The following TBC1D8 variants were observed in gnomAD, a reference collection of about 807,000 sequenced individuals.
TBC1D8 encodes TBC1 domain family member 8, also known as BUB2-like protein 1.
TBC1D8 carries 65 observed loss-of-function variants against 118.8 expected under a neutral mutation model. That is an observed-to-expected ratio of 0.55 (90% CI 0.45 to 0.67). The LOEUF (loss-of-function observed/expected upper bound fraction) is 0.67. Ranked by LOEUF, TBC1D8 falls within the 30% of genes least tolerant of loss-of-function variation. The pLI, the probability that TBC1D8 is intolerant of heterozygous loss-of-function variation, is 0.00. For synonymous variants in TBC1D8, 566 were observed against 595.8 expected, an observed-to-expected ratio of 0.95 and a Z score of 0.73; for missense variants, 1,376 against 1,471.2, an observed-to-expected ratio of 0.94 and a Z score of 1.06.
chr2:101,106,631 C>T (rs1036700449), intron 1 of TBC1D8, among the ~76,000 whole-genome samples: 11 of 152,218 alleles, frequency 7.2e-5, no homozygotes, highest in African/African-American at 2.7e-4. Context: ...AATGGTTCCA[C>T]TTAACGGTTT....
chr2:101,029,394 TAAAAA>T (rs74845104), intron 12 of TBC1D8, 92 bp downstream of exon 12: 1 of 1,192,698 alleles, frequency 8.4e-7, no homozygotes, highest in Non-Finnish European at 1.1e-6. Flanking sequence ...TCTGTCTCAA[TAAAAA>T]AAAAAAAAAA....
chr2:101,084,588 C>A (rs1167860999), intron 2 of TBC1D8, among the ~76,000 whole-genome samples: 1 of 152,094 alleles, frequency 6.6e-6, no homozygotes, highest in Non-Finnish European at 1.5e-5. Context: ...TGCAGCCGTT[C>A]CTCAGGATGT....
intron 1 of TBC1D8, among the ~76,000 whole-genome samples, chr2:101,140,021 G>A (rs1285368774): frequency 6.6e-6 from 1 of 152,140 alleles, no homozygotes; most frequent in East Asian, 1.9e-4. Context: ...TTATCTACAA[G>A]TAATTTCATT....
At chr2:101,143,428 C>T (rs1478885870) in intron 1 of TBC1D8, among the ~76,000 whole-genome samples, 1 of 152,110 alleles carries the variant, frequency 6.6e-6, no homozygotes. Flanking sequence ...GAATGAAAGA[C>T]TCACCAAATG....
At chr2:101,104,446 C>T (rs974640369) in intron 1 of TBC1D8, among the ~76,000 whole-genome samples, 1 of 152,166 alleles carries the variant, frequency 6.6e-6, no homozygotes, top group African/African-American at 2.4e-5. Context: ...ACTCACACTA[C>T]GCAATTTCAA....
chr2:101,007,837 T>G lies in TBC1D8; in HGVS notation c.3452A>C (p.Lys1151Thr). The change falls in exon 20 of 20, where the codon AAG becomes ACG. Residue 1151 changes from lysine to threonine, a missense_variant. Physicochemically the swap from Lys to Thr is moderately conservative, Grantham distance 78. Transcript: ENST00000409318. ...GCTGTCTTGCTACAAGTTACTCAGCTTAAGTTCAGATTGTGATTGGTGGCT... is the reference window on the plus strand; with the variant it reads ...GCTGTCTTGCTACAAGTTACTCAGCGTAAGTTCAGATTGTGATTGGTGGCT... ...EMSHQSQSEL[K>T]LSNL 6.2e-7 allele frequency: 1 copy of G among 1,613,780 alleles called. No homozygotes were observed. The highest frequency in any genetic ancestry group is 1.3e-5 in the African/African-American group (1 of 74,912).
At chr2:101,018,645 CAT>C (rs2105372277) in intron 17 of TBC1D8, among the ~76,000 whole-genome samples, 1 of 152,324 alleles carries the variant, frequency 6.6e-6, no homozygotes, top group South Asian at 2.1e-4. Context: ...AATAAAATAG[CAT>C]ATTCCCTGAA....
chr2:101,041,506 T>C (rs560977928), intron 5 of TBC1D8, among the ~76,000 whole-genome samples: 1 of 151,766 alleles, frequency 6.6e-6, no homozygotes, highest in Non-Finnish European at 1.5e-5. Context: ...AGACAGAAAA[T>C]AGATTACTGA....
chr2:101,033,444 A>G, intron 10 of TBC1D8, 100 bp downstream of exon 10: 1 of 1,435,132 alleles, frequency 7.0e-7, no homozygotes. Flanking sequence ...ACACGACAAC[A>G]CTCAGGACCA....
chr2:101,119,525 T>C (rs1270748468), intron 1 of TBC1D8, among the ~76,000 whole-genome samples: 1 of 152,202 alleles, frequency 6.6e-6, no homozygotes, highest in Non-Finnish European at 1.5e-5. Flanking sequence ...GATTTCCTTC[T>C]AGAGCAGGGG....
At chr2:101,087,537 G>C (rs984037429) in intron 2 of TBC1D8, among the ~76,000 whole-genome samples, 9 of 151,876 alleles carry the variant, frequency 5.9e-5, no homozygotes, top group Admixed American at 5.9e-4. Context: ...CAGCTACTTG[G>C]GAGGCTGAGG....
chr2:101,071,032 T>C (rs1381944006), intron 2 of TBC1D8, among the ~76,000 whole-genome samples: 2 of 152,164 alleles, frequency 1.3e-5, no homozygotes, highest in Admixed American at 6.5e-5. Context: ...CAGTCAATAA[T>C]AGGCAATTTA....
intron 2 of TBC1D8, among the ~76,000 whole-genome samples, chr2:101,074,529 A>C (rs1189055537): frequency 1.3e-5 from 2 of 152,222 alleles, no homozygotes; most frequent in African/African-American, 4.8e-5. Context: ...GTATCTTCAA[A>C]GTACAATAAC....
At chr2:101,049,557 G>A (rs1296608845) in intron 5 of TBC1D8, among the ~76,000 whole-genome samples, 4 of 151,806 alleles carry the variant, frequency 2.6e-5, no homozygotes, top group African/African-American at 4.8e-5. Flanking sequence ...TTGAAACCCC[G>A]TCTCTACTAA....
intron 15 of TBC1D8, chr2:101,023,986 A>G (rs1171897786): frequency 2.0e-5 from 3 of 152,694 alleles, no homozygotes; most frequent in Non-Finnish European, 2.9e-5. Context: ...AACCACAAGA[A>G]CTTTTAAGTG....
At chr2:101,111,785 G>T (rs1259195696) in intron 1 of TBC1D8, among the ~76,000 whole-genome samples, 1 of 152,294 alleles carries the variant, frequency 6.6e-6, no homozygotes, top group East Asian at 1.9e-4. Context: ...ATTCAGTTTT[G>T]CAGGATGAAA....
intron 1 of TBC1D8, among the ~76,000 whole-genome samples, chr2:101,112,958 G>C (rs1301778126): frequency 6.6e-6 from 1 of 152,030 alleles, no homozygotes; most frequent in Non-Finnish European, 1.5e-5. Flanking sequence ...ATCTGCCTTG[G>C]GTCAAGTACT....
chr2:101,028,316 C>T lies in TBC1D8; in HGVS notation c.2339G>A (p.Arg780Gln), dbSNP rs367578819. The T allele has an allele frequency of 8.7e-6, 14 of 1,612,304 alleles. No individual in the cohort carries two copies. Among genetic ancestry groups the T allele is most frequent in the East Asian group, 2.2e-5 (1 of 44,846 alleles). ...YPVTDISDLI[R>Q]DSYEKFGDQS... ...GGTTCCCGTTACCTCATAGGAATCC[C>T]GGATCAGGTCCGAAATATCAGTCAC... The change falls in exon 13 of 20, where the codon CGG becomes CAG. Residue 780 changes from arginine to glutamine, a missense_variant. Coordinates refer to ENST00000409318, the MANE Select transcript of TBC1D8 (RefSeq NM_001330348.2).
Position 101,038,475 on chromosome 2 carries a change from C to G in TBC1D8, c.1261G>C (p.Ala421Pro). The change falls in exon 7 of 20, where the codon GCG becomes CCG. Residue 421 changes from alanine to proline, a missense_variant. By Grantham distance (27) the Ala-to-Pro change is conservative. Transcript: ENST00000409318. ...ANHPVHYDTS[A>P]DDDMASLVFH... ...AGGGACCATACCATGTCATCATCCG[C>G]AGAGGTGTCGTAGTGCACGGGGTGG... is the stretch of plus-strand genomic sequence containing the variant. The G allele has an allele frequency of 6.2e-7, 1 of 1,613,744 alleles. No individual in the cohort carries two copies. The highest frequency in any genetic ancestry group is 8.5e-7 in the Non-Finnish European group (1 of 1,179,848).
Sources: gnomAD v4.1 joint callset for allele counts (sites outside exome capture counted in the v4.1 genomes callset) on GRCh38, gnomAD v4.1.1 for gene constraint, MANE v1.5 for transcripts, NCBI Gene and HGNC (gene_info 2026-07-23, HGNC 2026-07-21) for gene names.